NAXD: variants seen among roughly 807,000 people sequenced by gnomAD.
NAXD encodes the protein ATP-dependent (S)-NAD(P)H-hydrate dehydratase.
A neutral mutation model predicts 35.8 loss-of-function variants in NAXD; 22 were observed. The observed-to-expected ratio is 0.62, with a 90% CI of 0.44 to 0.88. The LOEUF is 0.88. Among genes scored for constraint, NAXD ranks in the 40% least tolerant of loss-of-function variants. The pLI is 0.00. For missense variants in NAXD, 428 were observed against 437.7 expected, an observed-to-expected ratio of 0.98 and a Z score of 0.20; for synonymous variants, 189 against 177.6, an observed-to-expected ratio of 1.06 and a Z score of -0.51.
intron 5 of NAXD, 24 bp downstream of exon 5, chr13:110,627,571 C>T (rs928388068): frequency 6.6e-7 from 1 of 1,505,954 alleles, no homozygotes; most frequent in South Asian, 1.1e-5. Flanking sequence ...TCACTCACTT[C>T]CCTCATGACA....
intron 5 of NAXD, among the ~76,000 whole-genome samples, chr13:110,632,051 T>G (rs934965607): frequency 2.0e-5 from 3 of 152,106 alleles, no homozygotes. Context: ...ACTTCAAGAA[T>G]GAAGCCGTGG....
Position 110,634,905 on chromosome 13 carries a change from C to G in NAXD, c.597+129C>G, listed in dbSNP as rs418781. On this transcript the variant is annotated intron_variant, in intron 7 of 9. Transcript: ENST00000680254. ...CCTGCAAGTAATCGCTGTGCCTCTC[C>G]CAGCGGATGGCGCGTCTTCCCATTA... The G allele has an allele frequency of 1.7e-3, 1,220 of 703,182 alleles. 19 individuals carry two copies. In the African/African-American group the frequency reaches 0.02, roughly 11 times the overall value. 43.6% of individuals were successfully genotyped at this position (703,182 alleles called of 1,614,324 possible). A position where few individuals can be genotyped will look rare whatever the true frequency, so the allele number is the denominator to read the frequency against.
intron 9 of NAXD, 67 bp downstream of exon 9, chr13:110,637,316 C>G (rs1385674623): frequency 1.9e-6 from 3 of 1,573,972 alleles, no homozygotes; most frequent in Non-Finnish European, 1.7e-6. Context: ...TTCAGTAGCT[C>G]ATGCGTTGAA....
rs532229170 is a variant in NAXD, at chr13:110,638,105, C to T, written c.840-273C>T. On this transcript the variant is annotated intron_variant, in intron 9 of 9. Transcript: ENST00000680254. This position sits in a 1 kb window ranked among gnomAD's most constrained non-coding sequence, Gnocchi z 5.4. ...GCAGCTTGTGCCGCCTGGCTTTCCC[C>T]GGGAACACCTGGCCCACTGTGTGCC... 1.0e-4 allele frequency: 91 copies of T among 879,712 alleles called. No homozygotes were observed. In the Middle Eastern group the frequency reaches 1.4e-3, roughly 14 times the overall value. 54.5% of individuals were successfully genotyped at this position (879,712 alleles called of 1,614,324 possible).
In NAXD at chr13:110,634,567, C is replaced by A; in HGVS notation, c.464C>A (p.Ala155Asp). The A allele has an allele frequency of 6.2e-7, 1 of 1,614,216 alleles. No individual in the cohort carries two copies. The highest frequency in any genetic ancestry group is 8.5e-7 in the Non-Finnish European group (1 of 1,180,024). ...NVQGILEVSK[A>D]RDIPVVIDAD... ...CAGGGCATTTTGGAAGTGTCAAAGG[C>A]CAGGGACATCCCTGTTGTCATCGAC... is the stretch of plus-strand genomic sequence containing the variant. Residue 155 changes from alanine (A) to aspartate (D), a missense_variant, in exon 6 of 10, where the codon GCC becomes GAC. This residue lies in a region of NAXD where 11 missense variants were observed against 30.0 expected (regional missense o/e 0.37). Transcript: ENST00000680254.
In NAXD at chr13:110,638,486, C is replaced by A. The variant is rs762477686; in HGVS notation, c.948C>A (p.Ile316=). Residue 316 remains isoleucine, a synonymous_variant, in exon 10 of 10, where the codon ATC becomes ATA. Transcript: ENST00000680254. The surrounding 1 kb of genome is among the most constrained non-coding windows in gnomAD (Gnocchi z 5.4). ...HGRSTTTSDM[I]AEVGAAFSKL... is the part of the protein sequence containing the mutation. ...GCTCCACCACCACCTCCGACATGATCGCCGAGGTGGGGGCCGCCTTCAGCA... is the reference window on the plus strand; with the variant it reads ...GCTCCACCACCACCTCCGACATGATAGCCGAGGTGGGGGCCGCCTTCAGCA... 1.1e-5 allele frequency: 18 copies of A among 1,612,948 alleles called. No homozygotes were observed. Among genetic ancestry groups the A allele is most frequent in the Admixed American group, 1.7e-5 (1 of 59,966 alleles).
intron 3 of NAXD, among the ~76,000 whole-genome samples, chr13:110,624,656 TTC>T (rs1886393719): frequency 6.6e-6 from 1 of 152,324 alleles, no homozygotes; most frequent in South Asian, 2.1e-4. Flanking sequence ...GAGTCAGGTT[TTC>T]TCTCTGTTGG....
At position 110,625,231 on chromosome 13, in the gene NAXD, A is replaced by G. The variant is rs1174017049; in HGVS notation, c.285A>G (p.Ala95=). Residue 95 remains alanine (A), a synonymous_variant, in exon 4 of 10, where the codon GCA becomes GCG. Coordinates refer to ENST00000680254, the MANE Select transcript of NAXD (RefSeq NM_001242882.2). ...LSHVFCASAA[A]PVIKAYSPEL... is the part of the protein sequence containing the mutation. ...ACGTGTTCTGTGCCAGTGCGGCCGC[A>G]CCTGTGATTAAGGCCTACAGCCCGG... 2 of 1,613,764 alleles carry G rather than the reference A, an allele frequency of 1.2e-6. No homozygotes were observed. Among genetic ancestry groups the G allele is most frequent in the African/African-American group, 2.7e-5 (2 of 74,866 alleles).
intron 7 of NAXD, 120 bp downstream of exon 7, chr13:110,634,896 G>GGGAGAGGCACAGCGAT: frequency 1.4e-6 from 1 of 733,668 alleles, no homozygotes; most frequent in Non-Finnish European, 2.3e-6. Context: ...AGTAATCGCT[G>GGGAGAGGCACAGCGAT]TGCCTCTCCC....
intron 1 of NAXD, among the ~76,000 whole-genome samples, chr13:110,621,216 G>A (rs916516898): frequency 7.2e-5 from 11 of 152,254 alleles, no homozygotes; most frequent in East Asian, 1.9e-4. Context: ...GCACCCCAGC[G>A]GATTACAGGT....
Position 110,622,359 on chromosome 13 carries a change from T to C in NAXD, c.190T>C (p.Cys64Arg). The change falls in exon 2 of 10, where the codon TGT becomes CGT. Residue 64 changes from cysteine (C) to arginine (R), a missense_variant. Physicochemically the swap from Cys to Arg is radical, Grantham distance 180. Transcript: ENST00000680254. The stretch of plus-strand genomic sequence containing the variant: ...TGGAAGAATAGGCGTAGTTGGAGGC[T>C]GTCAGGAGTAAGTAGCTGATGTGCA... The part of the protein sequence containing the change: ...QDGRIGVVGG[C>R]QEYTGAPYFA... The C allele has an allele frequency of 6.2e-7, 1 of 1,614,162 alleles. No homozygotes were observed. The highest frequency in any genetic ancestry group is 8.5e-7 in the Non-Finnish European group (1 of 1,179,998).
chr13:110,630,880 G>T (rs970488432), intron 5 of NAXD, among the ~76,000 whole-genome samples: 11 of 152,214 alleles, frequency 7.2e-5, no homozygotes, highest in Non-Finnish European at 1.5e-4. Flanking sequence ...CAGCTGTCCT[G>T]CAACTGCCCG....
In NAXD at chr13:110,628,149, CA is replaced by C. The variant is rs1886566833; in HGVS notation, c.441+603del. 2.0e-5 allele frequency among the ~76,000 whole-genome samples: 3 copies of C among 152,200 alleles called. No individual in the cohort carries two copies. Among genetic ancestry groups the C allele is most frequent in the Admixed American group, 1.3e-4 (2 of 15,280 alleles). ...GCTGTAAATAAATACCACCTGGGAT[CA>C]GGGGCGATAAAAAGATGGGGATGGC... On this transcript the variant is annotated intron_variant, in intron 5 of 9. Transcript: ENST00000680254. The surrounding 1 kb of genome is among the most constrained non-coding windows in gnomAD (Gnocchi z 4.1).
Position 110,635,586 on chromosome 13 carries a change from A to AG in NAXD, c.718+1dup. On this transcript the variant is annotated frameshift_variant and splice_region_variant, in exon 8 of 10. Transcript: ENST00000680254. LOFTEE classifies it high-confidence loss of function. ...CGCGACATCCTCTCCAACGGCCAGC[A>AG]GGGTGAGTGGCGGCTGCCCTCTGTG... 2 of 1,613,996 alleles carry AG rather than the reference A, an allele frequency of 1.2e-6. No individual in the cohort carries two copies. The highest frequency in any genetic ancestry group is 1.7e-6 in the Non-Finnish European group (2 of 1,179,996).
At chr13:110,637,426 G>T in intron 9 of NAXD, among the ~76,000 whole-genome samples, 177 bp downstream of exon 9, 1 of 152,150 alleles carries the variant, frequency 6.6e-6, no homozygotes, top group Non-Finnish European at 1.5e-5. Flanking sequence ...CCACACTTGG[G>T]CCTGGGCCTG....
rs189353385 is a variant in NAXD at position 110,633,102 on chromosome 13, C to T, written c.442-1443C>T. Among the ~76,000 whole-genome samples, 1,444 of 152,144 alleles carry T rather than the reference C, an allele frequency of 9.5e-3. 27 individuals are homozygous for T. Among genetic ancestry groups the T allele is most frequent in the African/African-American group, 0.033 (1,363 of 41,530 alleles). ...GGGGGTGGTGCTCGTCGGGGAGGCT[C>T]GGGCCGCACAGGAGCCCATGGAGGG... On this transcript the variant is annotated intron_variant, in intron 5 of 9. Transcript: ENST00000680254.
intron 2 of NAXD, among the ~76,000 whole-genome samples, chr13:110,622,636 G>A (rs112496980): frequency 3.9e-5 from 6 of 152,248 alleles, no homozygotes; most frequent in African/African-American, 1.4e-4. Flanking sequence ...CTGCTTTTCT[G>A]TATTTAACTG....
chr13:110,636,433 T>C (rs1886928708), intron 8 of NAXD, among the ~76,000 whole-genome samples: 1 of 151,756 alleles, frequency 6.6e-6, no homozygotes, highest in Non-Finnish European at 1.5e-5. Flanking sequence ...CACTCGCACT[T>C]ATACACATGC....
At chr13:110,630,612 C>T (rs1398582550) in intron 5 of NAXD, among the ~76,000 whole-genome samples, 1 of 152,146 alleles carries the variant, frequency 6.6e-6, no homozygotes, top group African/African-American at 2.4e-5. Context: ...TTCTGCCTAA[C>T]CCAAGGTTTA....
Sources: gnomAD v4.1 joint callset for allele counts (sites outside exome capture counted in the v4.1 genomes callset) on GRCh38, gnomAD v4.1.1 for gene constraint, gnomAD v4.1.1 regional missense constraint, Gnocchi (gnomAD v3.1) non-coding constraint, MANE v1.5 for transcripts, NCBI Gene and HGNC (gene_info 2026-07-23, HGNC 2026-07-21) for gene names.